The following PRR33 variants were observed in gnomAD, a reference collection of about 807,000 sequenced individuals.
The protein encoded by PRR33 is proline rich 33.
PRR33 carries 1 observed loss-of-function variant against 0.5 expected under a neutral mutation model. The ratio of observed to expected loss-of-function variants is 2.18; its 90% CI spans 0.77 to 10.34. PRR33 has a LOEUF of 10.34. Among genes scored for constraint, PRR33 ranks in the 30% most tolerant of loss-of-function variants. The probability of loss-of-function intolerance (pLI) is 0.13; values close to 1 mark genes in which losing one functional copy is unlikely to be tolerated. For synonymous variants in PRR33, 226 were observed against 110.0 expected (o/e 2.06, Z -6.60); for missense variants, 552 against 251.8 (o/e 2.19, Z -8.07).
the PRR33 span, among the ~76,000 whole-genome samples, chr11:1,900,755 C>T: frequency 6.6e-6 from 1 of 152,158 alleles, no homozygotes; most frequent in East Asian, 1.9e-4. Flanking sequence ...AATTTTGGAG[C>T]ATATATTAAT....
At chr11:1,914,014 C>G in the PRR33 span, among the ~76,000 whole-genome samples, 2 of 152,248 alleles carry the variant, frequency 1.3e-5, no homozygotes, top group African/African-American at 4.8e-5. Flanking sequence ...TCCTGGGGGG[C>G]CTTTCAGAAC....
chr11:1,897,781 C>T, the PRR33 span, among the ~76,000 whole-genome samples: 6 of 152,130 alleles, frequency 3.9e-5, no homozygotes, highest in East Asian at 1.9e-4. This position sits in a 1 kb window ranked among gnomAD's most constrained non-coding sequence, Gnocchi z 4.0. Flanking sequence ...TCTTGTTGCT[C>T]CAGTCAAAGA....
chr11:1,912,937 T>C, the PRR33 span, among the ~76,000 whole-genome samples: 1 of 152,046 alleles, frequency 6.6e-6, no homozygotes, highest in African/African-American at 2.4e-5. Flanking sequence ...ATTTTGTTGA[T>C]CTTCATTAAT....
chr11:1,911,982 G>A, the PRR33 span, among the ~76,000 whole-genome samples: 6 of 129,734 alleles, frequency 4.6e-5, no homozygotes, highest in African/African-American at 1.4e-4. Context: ...GCAAGATAGT[G>A]AGTGAGACCC....
chr11:1,914,602 G>GTC, the PRR33 span, among the ~76,000 whole-genome samples: 1 of 149,610 alleles, frequency 6.7e-6, no homozygotes, highest in African/African-American at 2.5e-5. Flanking sequence ...GTGTGTGTGT[G>GTC]TGTGTGTTCT....
chr11:1,915,709 G>T, the PRR33 span, among the ~76,000 whole-genome samples: 1 of 103,820 alleles, frequency 9.6e-6, no homozygotes, highest in Non-Finnish European at 2.0e-5. Flanking sequence ...GTTGTGGGGA[G>T]GTGTGTGTGT....
chr11:1,889,592 T>C, exon 1 of PRR33: 1 of 612,096 alleles, frequency 1.6e-6, no homozygotes, highest in Non-Finnish European at 3.0e-6. Context: ...TGGGTGCAAC[T>C]TTGGGGACAG....
upstream of PRR33, among the ~76,000 whole-genome samples, chr11:1,895,235 C>T (rs1235807173): frequency 6.6e-6 from 1 of 151,972 alleles, no homozygotes; most frequent in Non-Finnish European, 1.5e-5. Context: ...TGGGTTCAAG[C>T]GATTCTCCTG....
upstream of PRR33, chr11:1,891,931 G>A (rs1482100818): frequency 6.6e-6 from 1 of 151,228 alleles, no homozygotes; most frequent in Non-Finnish European, 1.5e-5. Flanking sequence ...ACCTCCTTTT[G>A]CTCCTGGACC....
chr11:1,909,920 C>A, the PRR33 span, among the ~76,000 whole-genome samples: 11 of 152,198 alleles, frequency 7.2e-5, no homozygotes, highest in East Asian at 1.7e-3. Flanking sequence ...TTCTGTATAT[C>A]CAGGTGCAAG....
At chr11:1,908,928 A>G in the PRR33 span, among the ~76,000 whole-genome samples, 1 of 152,368 alleles carries the variant, frequency 6.6e-6, no homozygotes, top group East Asian at 1.9e-4. Flanking sequence ...AGTTTTCTAT[A>G]GTTTCTTGAG....
upstream of PRR33, among the ~76,000 whole-genome samples, chr11:1,894,517 A>G (rs1849103067): frequency 6.6e-6 from 1 of 152,146 alleles, no homozygotes; most frequent in Non-Finnish European, 1.5e-5. Flanking sequence ...GATTACAGGC[A>G]TGAGCCCTGC....
the PRR33 span, among the ~76,000 whole-genome samples, chr11:1,899,643 A>T: frequency 6.6e-6 from 1 of 152,174 alleles, no homozygotes; most frequent in Admixed American, 6.5e-5. Context: ...ACCCTTGACC[A>T]AGGCAGCCCA....
chr11:1,889,946 G>T (rs1263738692), exon 1 of PRR33: 1 of 630,254 alleles, frequency 1.6e-6, no homozygotes, highest in Admixed American at 2.8e-5. Flanking sequence ...GGGGACTTGG[G>T]GTGGCATCTC....
rs1420136522 is a variant in PRR33, at chr11:1,891,754, C to T, written c.-1170G>A. 1 of 152,592 alleles carries T rather than the reference C, an allele frequency of 6.6e-6. No homozygotes were observed. The highest frequency in any genetic ancestry group is 2.4e-5 in the African/African-American group (1 of 41,400). The allele number at this position is 152,592 out of a possible 1,614,324, so 9.5% of individuals were successfully genotyped here. A position where few individuals can be genotyped will look rare whatever the true frequency, so the allele number is the denominator to read the frequency against. On this transcript the variant is annotated 5_prime_UTR_variant, in exon 1 of 1. It adds an upstream start codon to the 5' untranslated region. Coordinates refer to ENST00000640310, the Ensembl canonical transcript of PRR33. ...GGACCCTAGCCTAATGCCCCCTGCACCCCATGCCTATGTTCCAGCTTCCTG... is the reference window on the plus strand; with the variant it reads ...GGACCCTAGCCTAATGCCCCCTGCATCCCATGCCTATGTTCCAGCTTCCTG...
the PRR33 span, among the ~76,000 whole-genome samples, chr11:1,905,433 CTTT>C: frequency 1.3e-3 from 131 of 97,884 alleles, no homozygotes; most frequent in African/African-American, 3.0e-3. Flanking sequence ...GGCCTTCTCT[CTTT>C]TTTTTTTTTT....
chr11:1,889,420 CG>C, the PRR33 span: 1 of 672,688 alleles, frequency 1.5e-6, no homozygotes, highest in Admixed American at 2.2e-5. Context: ...GCCCGGGGTG[CG>C]GTGAGGGCGG....
the PRR33 span, among the ~76,000 whole-genome samples, chr11:1,914,853 C>CTCTGTG: frequency 3.2e-5 from 4 of 125,476 alleles, no homozygotes; most frequent in African/African-American, 1.3e-4. Flanking sequence ...GGAGATGTTT[C>CTCTGTG]TGTGTGTGTG....
chr11:1,890,878 C>T, exon 1 of PRR33: 1 of 435,830 alleles, frequency 2.3e-6, no homozygotes, highest in Non-Finnish European at 4.2e-6. Context: ...CCATGCCACC[C>T]CAGCACAAAG....
Sources: allele counts gnomAD v4.1 joint callset (sites outside exome capture counted in the v4.1 genomes callset), GRCh38; gene constraint gnomAD v4.1.1; non-coding constraint Gnocchi (gnomAD v3.1); transcripts MANE v1.5; gene names NCBI Gene and HGNC (gene_info 2026-07-23, HGNC 2026-07-21).